PIK3C2A: variants seen among roughly 807,000 people sequenced by gnomAD.
PIK3C2A encodes the protein phosphatidylinositol 4-phosphate 3-kinase C2 domain-containing subunit alpha.
A neutral mutation model predicts 204.5 loss-of-function variants in PIK3C2A; 97 were observed. The observed-to-expected ratio is 0.47, with a 90% CI of 0.40 to 0.56. The LOEUF (loss-of-function observed/expected upper bound fraction) is 0.56. Among genes scored for constraint, PIK3C2A ranks in the 20% least tolerant of loss-of-function variants. The pLI is 0.00. For missense variants in PIK3C2A, 1,735 were observed against 1,969.2 expected (o/e 0.88, Z 2.25); for synonymous variants, 653 against 664.4 (o/e 0.98, Z 0.26).
intron 4 of PIK3C2A, among the ~76,000 whole-genome samples, chr11:17,149,114 TTTC>T (rs1353587765): frequency 1.3e-5 from 2 of 152,226 alleles, no homozygotes; most frequent in South Asian, 2.1e-4. Flanking sequence ...ACACACTTTT[TTTC>T]TTGTCATTAT....
At chr11:17,123,079 A>G (rs781585574) in intron 13 of PIK3C2A, among the ~76,000 whole-genome samples, 10 of 152,202 alleles carry the variant, frequency 6.6e-5, no homozygotes, top group Admixed American at 2.0e-4. Context: ...ACAGAACACA[A>G]AAAAGGTAAG....
At chr11:17,172,717 T>C (rs1851218637) in intron 1 of PIK3C2A, among the ~76,000 whole-genome samples, 1 of 152,248 alleles carries the variant, frequency 6.6e-6, no homozygotes, top group African/African-American at 2.4e-5. Context: ...CTAAGGCGAC[T>C]TCCTCCATGT....
intron 14 of PIK3C2A, 131 bp downstream of exon 14, chr11:17,122,571 T>G: frequency 1.6e-6 from 1 of 639,702 alleles, no homozygotes; most frequent in South Asian, 1.9e-5. Flanking sequence ...GATATTAAAA[T>G]AGAAGATAGA....
Position 17,101,325 on chromosome 11 carries a change from T to C in PIK3C2A, c.3961A>G (p.Asn1321Asp). 6.3e-7 allele frequency: 1 copy of C among 1,583,276 alleles called. No individual in the cohort carries two copies. The highest frequency in any genetic ancestry group is 8.6e-7 in the Non-Finnish European group (1 of 1,158,166). ...LFVDLCCQAY[N>D]LIRKQTNLFL... ...AGGTTTGTCTGCTTTCTTATCAAGT[T>C]GTAGGCCTGACAGCAGAGGTCCACA... Residue 1321 changes from asparagine to aspartate, a missense_variant, in exon 25 of 33, where the codon AAC becomes GAC. Around this residue, in one of 6 missense-constraint regions of PIK3C2A, gnomAD observed 503 missense variants for 669.0 expected, o/e 0.75. Transcript: ENST00000691414.
At chr11:17,135,891 G>A (rs1374342543) in intron 9 of PIK3C2A, among the ~76,000 whole-genome samples, 1 of 152,108 alleles carries the variant, frequency 6.6e-6, no homozygotes, top group African/African-American at 2.4e-5. Flanking sequence ...TGGCCTTTGA[G>A]ATGCACCCCT....
At chr11:17,141,174 T>A (rs1185188163) in intron 8 of PIK3C2A, 2 of 152,204 alleles carry the variant, frequency 1.3e-5, no homozygotes, top group Non-Finnish European at 2.9e-5. Context: ...AGGAGTGACA[T>A]GATCTAACAC....
chr11:17,122,572 AG>A, intron 14 of PIK3C2A, 129 bp downstream of exon 14: 1 of 640,976 alleles, frequency 1.6e-6, no homozygotes, highest in Non-Finnish European at 2.7e-6. Flanking sequence ...ATATTAAAAT[AG>A]AAGATAGATC....
At chr11:17,190,093 T>C (rs7122571) in intron 1 of PIK3C2A, among the ~76,000 whole-genome samples, 8,731 of 151,726 alleles carry the variant, frequency 0.058, 839 homozygotes, top group East Asian at 0.42. Context: ...CGAAACCCCA[T>C]CTCTACTAAA....
rs569965164 is a variant in PIK3C2A at position 17,158,204 on chromosome 11, C to T, written c.1066-2575G>A. On this transcript the variant is annotated intron_variant, in intron 2 of 32. Coordinates refer to ENST00000691414, the MANE Select transcript of PIK3C2A (RefSeq NM_002645.4). ...TCTCTACTAAAAATACAAAATTAGCCGGGCGTGGTGGTGCATGCCTGTAAT... is the reference window on the plus strand; with the variant it reads ...TCTCTACTAAAAATACAAAATTAGCTGGGCGTGGTGGTGCATGCCTGTAAT... 8.6e-4 allele frequency among the ~76,000 whole-genome samples: 131 copies of T among 151,712 alleles called. 1 individual carries two copies. Among genetic ancestry groups the T allele is most frequent in the African/African-American group, 3.0e-3 (123 of 41,388 alleles).
rs573007947 is a variant in PIK3C2A, at chr11:17,176,996, T to C, written c.-65-7190A>G. On this transcript the variant is annotated intron_variant, in intron 1 of 32. Coordinates refer to ENST00000691414, the MANE Select transcript of PIK3C2A (RefSeq NM_002645.4). Reference sequence around the variant, plus strand: ...AAAGTAGCTATTAGTATCCCTAGTATACAAATGAAGAAATTTAAGCATACA... The same window carrying C: ...AAAGTAGCTATTAGTATCCCTAGTACACAAATGAAGAAATTTAAGCATACA... Among the ~76,000 whole-genome samples, 63 of 152,284 alleles carry C rather than the reference T, an allele frequency of 4.1e-4. 3 individuals carry two copies. The South Asian group carries it at 0.011, about 26-fold the overall frequency.
intron 2 of PIK3C2A, among the ~76,000 whole-genome samples, chr11:17,157,238 T>C (rs1850624934): frequency 6.6e-6 from 1 of 152,110 alleles, no homozygotes; most frequent in East Asian, 1.9e-4. Flanking sequence ...GGCAGGCGGA[T>C]CACCTGAGGT....
chr11:17,160,451 A>T (rs1238236324), intron 2 of PIK3C2A, among the ~76,000 whole-genome samples: 1 of 152,182 alleles, frequency 6.6e-6, no homozygotes. Flanking sequence ...TGGTCGAGGG[A>T]TTGGCAATTC....
At chr11:17,164,690 A>G (rs897053905) in intron 2 of PIK3C2A, among the ~76,000 whole-genome samples, 3 of 152,130 alleles carry the variant, frequency 2.0e-5, no homozygotes, top group African/African-American at 4.8e-5. Context: ...TCCTTCCCCT[A>G]TATTTTTTAA....
chr11:17,105,402 A>T, intron 22 of PIK3C2A, 97 bp from the exon 23 acceptor site: 1 of 1,043,578 alleles, frequency 9.6e-7, no homozygotes, highest in Non-Finnish European at 1.4e-6. Context: ...ATTTCACTTT[A>T]AGTTCTGGGA....
At chr11:17,162,883 A>G (rs770459204) in intron 2 of PIK3C2A, among the ~76,000 whole-genome samples, 1 of 152,216 alleles carries the variant, frequency 6.6e-6, no homozygotes, top group Non-Finnish European at 1.5e-5. Flanking sequence ...CTTTATAGAT[A>G]TTTAACCATG....
rs1039044748 is a variant in PIK3C2A at position 17,189,125 on chromosome 11, G to C, written c.-66+18723C>G. 2.1e-4 allele frequency among the ~76,000 whole-genome samples: 31 copies of C among 146,982 alleles called. 6 individuals are homozygous for C. The highest frequency in any genetic ancestry group is 8.2e-4 in the African/African-American group (30 of 36,600). The stretch of plus-strand genomic sequence containing the variant: ...GATCCCAAATCCTGCTGAGGAGAAA[G>C]TCATAATTCTGCCCCAAAGTATTTG... On this transcript the variant is annotated intron_variant, in intron 1 of 32. Coordinates refer to ENST00000691414, the MANE Select transcript of PIK3C2A (RefSeq NM_002645.4).
intron 7 of PIK3C2A, 42 bp from the exon 8 acceptor site, chr11:17,145,773 A>C: frequency 1.9e-6 from 3 of 1,556,278 alleles, no homozygotes; most frequent in Non-Finnish European, 2.7e-6. Flanking sequence ...GATGCTACAC[A>C]CAAAATGATT....
chr11:17,145,576 A>G (rs1850212608), intron 8 of PIK3C2A, 92 bp downstream of exon 8: 1 of 759,556 alleles, frequency 1.3e-6, no homozygotes, highest in African/African-American at 1.8e-5. Context: ...AAAAGTCCTA[A>G]AATATTTAAT....
chr11:17,139,114 C>T (rs914748774), intron 8 of PIK3C2A, among the ~76,000 whole-genome samples: 3 of 152,006 alleles, frequency 2.0e-5, no homozygotes, highest in Admixed American at 6.6e-5. Context: ...GGTTTCACCA[C>T]GTTGGCCAGG....
Sources: allele counts gnomAD v4.1 joint callset (sites outside exome capture counted in the v4.1 genomes callset), GRCh38; gene constraint gnomAD v4.1.1; regional missense constraint gnomAD v4.1.1; transcripts MANE v1.5; gene names NCBI Gene and HGNC (gene_info 2026-07-23, HGNC 2026-07-21).